The following CEMIP variants were observed in gnomAD, a reference collection of about 807,000 sequenced individuals.
CEMIP encodes cell migration inducing hyaluronidase 1.
CEMIP carries 105 observed loss-of-function variants against 156.9 expected under a neutral mutation model. The ratio of observed to expected loss-of-function variants is 0.67; its 90% CI spans 0.57 to 0.79. The LOEUF is 0.79. Among genes scored for constraint, CEMIP ranks in the 30% least tolerant of loss-of-function variants. The pLI is 0.00. For synonymous variants in CEMIP, 676 were observed against 668.4 expected (o/e 1.01, Z -0.17); for missense variants, 1,457 against 1,769.4 (o/e 0.82, Z 3.17).
chr15:80,921,128 A>C, intron 16 of CEMIP, 27 bp downstream of exon 16: 1 of 1,604,902 alleles, frequency 6.2e-7, no homozygotes, highest in Non-Finnish European at 8.5e-7. Flanking sequence ...CTTCTTTGGC[A>C]GAAAGTGAGG....
intron 6 of CEMIP, among the ~76,000 whole-genome samples, chr15:80,882,550 A>G (rs569928291): frequency 1.5e-4 from 23 of 152,350 alleles, no homozygotes; most frequent in African/African-American, 5.0e-4. Context: ...CTGTTTCTTA[A>G]GTACAACAGT....
At position 80,891,246 on chromosome 15, in the gene CEMIP, C is replaced by T. The variant is rs558944217; in HGVS notation, c.1086+1654C>T. Among the ~76,000 whole-genome samples, 4 of 152,182 alleles carry T rather than the reference C, an allele frequency of 2.6e-5. No homozygotes were observed. The South Asian group carries it at 8.3e-4, about 32-fold the overall frequency. On this transcript the variant is annotated intron_variant, in intron 10 of 29. Transcript: ENST00000394685. ...CAGACACTGTTGATTGGAAGACCACCTCTCAGTGCCAGGAAAACAGCATTC... is the reference window on the plus strand; with the variant it reads ...CAGACACTGTTGATTGGAAGACCACTTCTCAGTGCCAGGAAAACAGCATTC...
chr15:80,901,017 TA>T (rs965221837), intron 12 of CEMIP: 114 of 446,458 alleles, frequency 2.6e-4, no homozygotes, highest in African/African-American at 9.5e-4. Flanking sequence ...ATGAATCATC[TA>T]AAAAAAAATT....
intron 1 of CEMIP, among the ~76,000 whole-genome samples, chr15:80,827,601 A>C (rs1379297981): frequency 6.6e-6 from 1 of 152,214 alleles, no homozygotes; most frequent in Non-Finnish European, 1.5e-5. Context: ...CCTGGGAGAC[A>C]GAGCGAGACT....
intron 1 of CEMIP, among the ~76,000 whole-genome samples, chr15:80,784,548 G>A (rs1895880079): frequency 6.6e-6 from 1 of 152,188 alleles, no homozygotes; most frequent in Non-Finnish European, 1.5e-5. Context: ...TGCCAGTCAG[G>A]AAAGGTGGGA....
intron 1 of CEMIP, among the ~76,000 whole-genome samples, chr15:80,846,993 T>C (rs1897577569): frequency 6.6e-6 from 1 of 152,120 alleles, no homozygotes; most frequent in Non-Finnish European, 1.5e-5. Flanking sequence ...ACTTAGGAAA[T>C]TGTGTATTTT....
At chr15:80,904,206 T>C (rs1899693228) in intron 12 of CEMIP, among the ~76,000 whole-genome samples, 1 of 152,216 alleles carries the variant, frequency 6.6e-6, no homozygotes. Flanking sequence ...AAGATTATTA[T>C]TACTTAAAGT....
Position 80,932,015 on chromosome 15 carries a change from CG to C in CEMIP, c.2771del (p.Gly924AlafsTer93). 1 of 1,614,000 alleles carries C rather than the reference CG, an allele frequency of 6.2e-7. No homozygotes were observed. Among genetic ancestry groups the C allele is most frequent in the Non-Finnish European group, 8.5e-7 (1 of 1,180,040 alleles). On this transcript the variant is annotated frameshift_variant, in exon 22 of 30. Coordinates refer to ENST00000394685, the MANE Select transcript of CEMIP (RefSeq NM_001293298.2). LOFTEE classifies it high-confidence loss of function. The surrounding 1 kb of genome is among the most constrained non-coding windows in gnomAD (Gnocchi z 4.5). ...AGAGCTGCCCCCATAACAACGTGAC[CG>C]GCATTGCCTTTGAGGACGTTCCGGT... ...WQSCPHNNVT[G>X]IAFEDVPITS...
chr15:80,807,823 G>A (rs1896551942), intron 1 of CEMIP, among the ~76,000 whole-genome samples: 1 of 152,224 alleles, frequency 6.6e-6, no homozygotes, highest in Admixed American at 6.5e-5. Flanking sequence ...AGATCTGTTT[G>A]TAGTAGGGGT....
intron 1 of CEMIP, among the ~76,000 whole-genome samples, chr15:80,789,635 G>A (rs762921067): frequency 6.6e-6 from 1 of 152,082 alleles, no homozygotes; most frequent in Admixed American, 6.5e-5. Flanking sequence ...CTTTGAAGAG[G>A]CTTGGAGATT....
At chr15:80,896,584 G>T (rs1899233795) in intron 12 of CEMIP, among the ~76,000 whole-genome samples, 1 of 152,138 alleles carries the variant, frequency 6.6e-6, no homozygotes, top group Non-Finnish European at 1.5e-5. Flanking sequence ...TGAGTTTGGG[G>T]TTTTTCTTTT....
At chr15:80,851,200 C>A (rs1055182743) in intron 1 of CEMIP, among the ~76,000 whole-genome samples, 1 of 152,150 alleles carries the variant, frequency 6.6e-6, no homozygotes, top group African/African-American at 2.4e-5. Flanking sequence ...GGCAGGCAGA[C>A]AATCCTGGGG....
chr15:80,790,548 A>G (rs1896055135), intron 1 of CEMIP, among the ~76,000 whole-genome samples: 1 of 152,216 alleles, frequency 6.6e-6, no homozygotes, highest in Non-Finnish European at 1.5e-5. Context: ...GGAGAAGGTC[A>G]GTGAAGCCGC....
intron 9 of CEMIP, among the ~76,000 whole-genome samples, chr15:80,889,135 G>T (rs1433810526): frequency 1.3e-5 from 2 of 152,222 alleles, no homozygotes; most frequent in African/African-American, 4.8e-5. Context: ...TAGCCCACAT[G>T]CAGGGATTGC....
At chr15:80,848,674 G>C (rs1468349844) in intron 1 of CEMIP, among the ~76,000 whole-genome samples, 1 of 152,198 alleles carries the variant, frequency 6.6e-6, no homozygotes, top group Non-Finnish European at 1.5e-5. Flanking sequence ...GCCCATAGAT[G>C]AGAAGGGGTT....
intron 18 of CEMIP, among the ~76,000 whole-genome samples, chr15:80,925,069 A>G (rs1013523444): frequency 6.6e-6 from 1 of 152,180 alleles, no homozygotes; most frequent in Non-Finnish European, 1.5e-5. Context: ...AAGAACATGC[A>G]AGTCATGCCT....
chr15:80,909,080 C>T lies in CEMIP; in HGVS notation c.1588-17C>T, dbSNP rs746800057. ...GCATCTCATGGGCTCCTCTGACTCT[C>T]GGTTCTCCTCTCCTAGTTTGCTCTG... On this transcript the variant is annotated splice_polypyrimidine_tract_variant and intron_variant, in intron 13 of 29. Coordinates refer to ENST00000394685, the MANE Select transcript of CEMIP (RefSeq NM_001293298.2). The T allele has an allele frequency of 2.5e-6, 4 of 1,612,480 alleles. No individual in the cohort carries two copies. The highest frequency in any genetic ancestry group is 1.9e-4 in the Middle Eastern group (1 of 5,368).
chr15:80,874,389 C>G (rs991250946), intron 3 of CEMIP, among the ~76,000 whole-genome samples: 1 of 152,014 alleles, frequency 6.6e-6, no homozygotes, highest in Non-Finnish European at 1.5e-5. Flanking sequence ...AGCCAGAAAT[C>G]TAGAGCTTTA....
At chr15:80,781,232 G>A (rs12437679) in intron 1 of CEMIP, among the ~76,000 whole-genome samples, 69,854 of 152,056 alleles carry the variant, frequency 0.46, 17,979 homozygotes, top group Non-Finnish European at 0.59. Flanking sequence ...TATGGGATTG[G>A]GAGGATATAT....
Sources: allele counts gnomAD v4.1 joint callset (sites outside exome capture counted in the v4.1 genomes callset), GRCh38; gene constraint gnomAD v4.1.1; non-coding constraint Gnocchi (gnomAD v3.1); transcripts MANE v1.5; gene names NCBI Gene and HGNC (gene_info 2026-07-23, HGNC 2026-07-21).